CSMD2: variants seen among roughly 807,000 people sequenced by gnomAD.
The protein encoded by CSMD2 is CUB and Sushi multiple domains 2, also known as CUB and sushi domain-containing protein 2.
A neutral mutation model predicts 398.5 loss-of-function variants in CSMD2; 130 were observed. The observed-to-expected ratio is 0.33, with a 90% CI of 0.28 to 0.38. The LOEUF (loss-of-function observed/expected upper bound fraction) is 0.38, where lower values mean the gene tolerates loss of function less well. Ranked by LOEUF, CSMD2 falls within the 10% of genes least tolerant of loss-of-function variation. CSMD2 has a pLI of 1.00. For synonymous variants in CSMD2, 1,828 were observed against 1,908.5 expected, an observed-to-expected ratio of 0.96 and a Z score of 1.10; for missense variants, 3,829 against 4,764.9, an observed-to-expected ratio of 0.80 and a Z score of 5.78.
intron 1 of CSMD2, among the ~76,000 whole-genome samples, chr1:34,110,015 T>G (rs10799028): frequency 0.4 from 51,172 of 128,262 alleles, 10,020 homozygotes; most frequent in East Asian, 0.65. Context: ...CACTCCAGCC[T>G]GGGTGACAGA....
intron 2 of CSMD2, among the ~76,000 whole-genome samples, chr1:34,067,796 C>T (rs1435238836): frequency 6.6e-6 from 1 of 152,170 alleles, no homozygotes; most frequent in African/African-American, 2.4e-5. Flanking sequence ...TGAATAAAAA[C>T]AAGTCAAAGT....
chr1:33,820,129 C>T (rs1657940980), intron 8 of CSMD2, among the ~76,000 whole-genome samples: 1 of 152,118 alleles, frequency 6.6e-6, no homozygotes, highest in Non-Finnish European at 1.5e-5. Context: ...GTGGATGATA[C>T]CCATAAACTT....
At chr1:33,551,841 G>C (rs1657475118) in intron 55 of CSMD2, among the ~76,000 whole-genome samples, 1 of 152,148 alleles carries the variant, frequency 6.6e-6, no homozygotes, top group Non-Finnish European at 1.5e-5. Flanking sequence ...AAGAGGCTTG[G>C]CAGCTTCTAC....
At chr1:33,908,879 G>C (rs1643282125) in intron 5 of CSMD2, among the ~76,000 whole-genome samples, 1 of 152,214 alleles carries the variant, frequency 6.6e-6, no homozygotes, top group African/African-American at 2.4e-5. Flanking sequence ...TAAAGGGCTG[G>C]TTATTTATGG....
chr1:34,057,344 G>C (rs75808294), intron 2 of CSMD2, among the ~76,000 whole-genome samples: 5,503 of 152,262 alleles, frequency 0.036, 365 homozygotes, highest in African/African-American at 0.13. Context: ...GCTGATGGCT[G>C]GCAGGAAGCT....
intron 25 of CSMD2, among the ~76,000 whole-genome samples, chr1:33,691,866 C>T (rs1189003433): frequency 2.0e-5 from 3 of 152,196 alleles, no homozygotes; most frequent in South Asian, 2.1e-4. Flanking sequence ...GTTTCCCCCC[C>T]AATTCCCTTG....
At chr1:33,822,842 C>T (rs561157821) in intron 7 of CSMD2, among the ~76,000 whole-genome samples, 14 of 152,276 alleles carry the variant, frequency 9.2e-5, no homozygotes, top group South Asian at 6.2e-4. Flanking sequence ...CACAGTGATC[C>T]GTCCCTACTG....
chr1:34,160,726 G>GACAA (rs1641253384), intron 1 of CSMD2, among the ~76,000 whole-genome samples: 1 of 152,144 alleles, frequency 6.6e-6, no homozygotes, highest in African/African-American at 2.4e-5. Context: ...ATATAAGGCA[G>GACAA]ACAAATAAAT....
intron 25 of CSMD2, among the ~76,000 whole-genome samples, chr1:33,688,107 G>C (rs1645115515): frequency 6.6e-6 from 1 of 152,100 alleles, no homozygotes; most frequent in Non-Finnish European, 1.5e-5. Flanking sequence ...GGAAATAAAT[G>C]GACAACTGTT....
At chr1:33,570,326 C>A (rs1344684791) in intron 51 of CSMD2, among the ~76,000 whole-genome samples, 1 of 132,956 alleles carries the variant, frequency 7.5e-6, no homozygotes, top group Non-Finnish European at 1.6e-5. Context: ...CACCACCATG[C>A]TGGCTAATTT....
chr1:33,520,673 G>A (rs529453020), intron 68 of CSMD2, among the ~76,000 whole-genome samples: 7 of 150,122 alleles, frequency 4.7e-5, no homozygotes, highest in African/African-American at 1.7e-4. Context: ...GTGTGGGTGG[G>A]AAAGGGTGGG....
At chr1:33,536,372 C>T (rs149721161) in intron 62 of CSMD2, among the ~76,000 whole-genome samples, 3,010 of 152,250 alleles carry the variant, frequency 0.02, 93 homozygotes, top group African/African-American at 0.06. Context: ...TACAGGCGCC[C>T]GCCACCATGC....
At chr1:33,944,577 G>C (rs1045743720) in intron 3 of CSMD2, among the ~76,000 whole-genome samples, 4 of 152,206 alleles carry the variant, frequency 2.6e-5, no homozygotes, top group Non-Finnish European at 4.4e-5. Flanking sequence ...TTACCAAAGA[G>C]AGAGTTGAAT....
chr1:33,671,156 T>A (rs1459538325), intron 25 of CSMD2, among the ~76,000 whole-genome samples: 1 of 152,094 alleles, frequency 6.6e-6, no homozygotes, highest in Non-Finnish European at 1.5e-5. Flanking sequence ...GGTGATAATG[T>A]CCAAGCTGCA....
At chr1:33,756,522 T>C (rs1294218814) in intron 13 of CSMD2, among the ~76,000 whole-genome samples, 1 of 152,160 alleles carries the variant, frequency 6.6e-6, no homozygotes, top group Non-Finnish European at 1.5e-5. Flanking sequence ...GGTCTGATGA[T>C]AAGGAACCAA....
At chr1:33,928,995 C>T (rs1644221520) in intron 4 of CSMD2, among the ~76,000 whole-genome samples, 1 of 152,186 alleles carries the variant, frequency 6.6e-6, no homozygotes, top group Non-Finnish European at 1.5e-5. Context: ...GTCTCACAGG[C>T]GTCTCAAACG....
chr1:33,904,239 G>A (rs1050059102), intron 5 of CSMD2, among the ~76,000 whole-genome samples: 1 of 152,208 alleles, frequency 6.6e-6, no homozygotes, highest in African/African-American at 2.4e-5. Context: ...CAGCCCAAAG[G>A]TGCTGGCGGA....
chr1:34,155,785 T>C (rs1173223002), intron 1 of CSMD2, among the ~76,000 whole-genome samples: 4 of 152,262 alleles, frequency 2.6e-5, no homozygotes, highest in Non-Finnish European at 5.9e-5. Flanking sequence ...GAAACTTTTT[T>C]GGTCTTATTC....
At chr1:33,839,926 C>G (rs747637762) in intron 6 of CSMD2, 2 of 152,916 alleles carry the variant, frequency 1.3e-5, no homozygotes, top group Non-Finnish European at 2.9e-5. Context: ...TGCAAAGCTC[C>G]CCAGAAGCTG....
Sources: allele counts gnomAD v4.1 joint callset (sites outside exome capture counted in the v4.1 genomes callset), GRCh38; gene constraint gnomAD v4.1.1; transcripts MANE v1.5; gene names NCBI Gene and HGNC (gene_info 2026-07-23, HGNC 2026-07-21).